Variants in CEP170 observed in about 807,000 individuals in gnomAD.
The protein encoded by CEP170 is centrosomal protein 170, also known as centrosomal protein of 170 kDa.
CEP170 carries 21 observed loss-of-function variants against 151.9 expected under a neutral mutation model. The observed-to-expected ratio is 0.14, with a 90% CI of 0.10 to 0.20. CEP170 has a LOEUF of 0.20. CEP170 is among the 10% of genes least tolerant of loss of function. CEP170 has a pLI of 1.00. For synonymous variants in CEP170, 356 were observed against 648.8 expected, an observed-to-expected ratio of 0.55 and a Z score of 6.86; for missense variants, 964 against 1,892.9, an observed-to-expected ratio of 0.51 and a Z score of 9.11.
chr1:243,199,327 T>C, intron 6 of CEP170, 133 bp from the exon 7 acceptor site: 3 of 824,960 alleles, frequency 3.6e-6, no homozygotes, highest in Non-Finnish European at 5.5e-6. Context: ...TAAAATGTAC[T>C]CTATACTGAA....
chr1:243,250,294 A>C (rs1419727119), intron 1 of CEP170, among the ~76,000 whole-genome samples: 2 of 152,240 alleles, frequency 1.3e-5, no homozygotes, highest in Non-Finnish European at 2.9e-5. Context: ...TATAAATGTC[A>C]AAAAGCCAGG....
intron 16 of CEP170, among the ~76,000 whole-genome samples, chr1:243,137,044 A>G (rs1174631791): frequency 3.3e-5 from 5 of 152,282 alleles, no homozygotes; most frequent in South Asian, 2.1e-4. Flanking sequence ...TTTGAGGGAC[A>G]TAGGGTCTCT....
At chr1:243,197,872 C>T (rs1572208152) in intron 7 of CEP170, among the ~76,000 whole-genome samples, 2 of 152,128 alleles carry the variant, frequency 1.3e-5, no homozygotes, top group African/African-American at 4.8e-5. Context: ...AAGAAAACTG[C>T]TGGTGACAGA....
chr1:243,245,102 T>C (rs544568063), intron 1 of CEP170, among the ~76,000 whole-genome samples: 1 of 152,300 alleles, frequency 6.6e-6, no homozygotes, highest in Admixed American at 6.5e-5. Context: ...ATGGTGATCC[T>C]AGAATCTGCT....
At chr1:243,251,674 TAAAA>T (rs1211052410) in intron 1 of CEP170, among the ~76,000 whole-genome samples, 1 of 152,182 alleles carries the variant, frequency 6.6e-6, no homozygotes, top group Non-Finnish European at 1.5e-5. Flanking sequence ...TGGATATACT[TAAAA>T]AATGACTTGT....
intron 11 of CEP170, among the ~76,000 whole-genome samples, chr1:243,170,330 A>C (rs2148601751): frequency 6.6e-6 from 1 of 152,234 alleles, no homozygotes; most frequent in South Asian, 2.1e-4. Context: ...GGTTGCAGTG[A>C]GCTGAGATCG....
chr1:243,236,395 C>G (rs913727644), intron 1 of CEP170, among the ~76,000 whole-genome samples: 1 of 152,150 alleles, frequency 6.6e-6, no homozygotes, highest in African/African-American at 2.4e-5. Context: ...AACTTAACAA[C>G]GAGTTCTCTA....
At position 243,241,220 on chromosome 1, in the gene CEP170, C is replaced by T. The variant is rs561622728; in HGVS notation, c.-42+13820G>A. On this transcript the variant is annotated intron_variant, in intron 1 of 19. Coordinates refer to ENST00000366542, the MANE Select transcript of CEP170 (RefSeq NM_014812.3). Reference sequence around the variant, plus strand: ...ATACGAATATTTTGAATCACAGATTCGGTTCAGACCAAGTGTTGCAAACTA... The same window carrying T: ...ATACGAATATTTTGAATCACAGATTTGGTTCAGACCAAGTGTTGCAAACTA... Among the ~76,000 whole-genome samples, 149 of 152,336 alleles carry T rather than the reference C, an allele frequency of 9.8e-4. 1 individual carries two copies. The highest frequency in any genetic ancestry group is 3.4e-3 in the Middle Eastern group (1 of 294).
chr1:243,246,284 T>G (rs1459347619), intron 1 of CEP170, among the ~76,000 whole-genome samples: 2 of 142,742 alleles, frequency 1.4e-5, no homozygotes, highest in Non-Finnish European at 3.0e-5. Context: ...CAGGCTGGAG[T>G]GCAGTGGAGC....
At chr1:243,237,018 C>A (rs779963319) in intron 1 of CEP170, among the ~76,000 whole-genome samples, 9 of 152,162 alleles carry the variant, frequency 5.9e-5, no homozygotes, top group Non-Finnish European at 1.0e-4. Context: ...GGGTACAAAT[C>A]ATTTCCATTG....
At chr1:243,240,622 T>G (rs1210763806) in intron 1 of CEP170, among the ~76,000 whole-genome samples, 2 of 121,906 alleles carry the variant, frequency 1.6e-5, no homozygotes. Context: ...TGGTAAGGTA[T>G]GGGTATCTGT....
intron 17 of CEP170, among the ~76,000 whole-genome samples, chr1:243,131,472 G>A (rs1361039402): frequency 6.6e-6 from 1 of 151,720 alleles, no homozygotes; most frequent in African/African-American, 2.4e-5. Flanking sequence ...CTGCACTCCA[G>A]CCCATCTCAA....
chr1:243,135,151 A>G lies in CEP170; in HGVS notation c.4319+992T>C, dbSNP rs2054896938. ...TTAACATAAGGAATTTTAAATTAAT[A>G]TTCTTTTAGGAGGCAATAAAGTGAA... On this transcript the variant is annotated intron_variant, in intron 17 of 19. Coordinates refer to ENST00000366542, the MANE Select transcript of CEP170 (RefSeq NM_014812.3). 2.0e-5 allele frequency among the ~76,000 whole-genome samples: 3 copies of G among 152,202 alleles called. No individual in the cohort carries two copies. The South Asian group carries it at 6.2e-4, about 32-fold the overall frequency.
At chr1:243,127,413 A>T (rs575300668) in intron 19 of CEP170, among the ~76,000 whole-genome samples, 807 of 151,792 alleles carry the variant, frequency 5.3e-3, no homozygotes, top group Non-Finnish European at 8.2e-3. Context: ...GTGATTTTCA[A>T]TTTGGCATTG....
chr1:243,161,848 A>G (rs2058092241), intron 13 of CEP170, among the ~76,000 whole-genome samples: 1 of 152,150 alleles, frequency 6.6e-6, no homozygotes, highest in South Asian at 2.1e-4. Context: ...TTCTTTTTCC[A>G]TTCAAAATAT....
intron 13 of CEP170, among the ~76,000 whole-genome samples, chr1:243,159,193 G>T (rs1385904640): frequency 1.3e-5 from 2 of 152,142 alleles, no homozygotes; most frequent in East Asian, 3.8e-4. Flanking sequence ...ATACAGCAGA[G>T]AAATAAAAAT....
At chr1:243,198,491 A>G (rs2148819513) in intron 7 of CEP170, among the ~76,000 whole-genome samples, 1 of 152,184 alleles carries the variant, frequency 6.6e-6, no homozygotes, top group East Asian at 1.9e-4. Context: ...ATTTCTGAAC[A>G]AAGTGGGAAA....
chr1:243,194,197 A>C (rs746442057), intron 7 of CEP170, among the ~76,000 whole-genome samples: 6 of 151,962 alleles, frequency 3.9e-5, no homozygotes, highest in Non-Finnish European at 5.9e-5. Flanking sequence ...CAAGATGAAA[A>C]ACAAGAGCAG....
intron 8 of CEP170, among the ~76,000 whole-genome samples, chr1:243,187,670 C>T (rs1334209955): frequency 2.0e-5 from 3 of 152,112 alleles, no homozygotes; most frequent in Non-Finnish European, 4.4e-5. Flanking sequence ...AAGCAAATGA[C>T]CTATGTCTAG....
Sources: allele counts gnomAD v4.1 joint callset (sites outside exome capture counted in the v4.1 genomes callset), GRCh38; gene constraint gnomAD v4.1.1; transcripts MANE v1.5; gene names NCBI Gene and HGNC (gene_info 2026-07-23, HGNC 2026-07-21).